Variants in IGSF11 observed in about 807,000 individuals in gnomAD.
The protein encoded by IGSF11 is immunoglobulin superfamily member 11.
Under a neutral mutation model 41.0 loss-of-function variants are expected in IGSF11, and 22 were observed. The observed-to-expected ratio is 0.54, with a 90% confidence interval of 0.38 to 0.77. IGSF11 has a LOEUF of 0.77. Ranked by LOEUF, IGSF11 falls within the 30% of genes least tolerant of loss-of-function variation. IGSF11 has a pLI of 0.00. For synonymous variants in IGSF11, 219 were observed against 201.3 expected, an observed-to-expected ratio of 1.09 and a Z score of -0.74; for missense variants, 444 against 530.8, an observed-to-expected ratio of 0.84 and a Z score of 1.61.
intron 1 of IGSF11, among the ~76,000 whole-genome samples, chr3:119,121,988 G>A (rs2077339660): frequency 6.6e-6 from 1 of 152,184 alleles, no homozygotes; most frequent in African/African-American, 2.4e-5. Flanking sequence ...AAGAAGCGAG[G>A]TGAAGCAAGA....
chr3:119,114,795 T>G (rs142262991), intron 1 of IGSF11, among the ~76,000 whole-genome samples: 161 of 152,358 alleles, frequency 1.1e-3, no homozygotes, highest in African/African-American at 3.8e-3. Flanking sequence ...ATTTTCTGTA[T>G]TAGTTCATTC....
chr3:119,048,736 C>T (rs569601337), intron 1 of IGSF11, among the ~76,000 whole-genome samples: 1,591 of 151,956 alleles, frequency 0.01, 11 homozygotes, highest in Non-Finnish European at 0.017. Flanking sequence ...AACATTGATG[C>T]AAAAATCCTC....
chr3:119,139,551 GC>G (rs1033106126), intron 1 of IGSF11, among the ~76,000 whole-genome samples: 17 of 152,178 alleles, frequency 1.1e-4, no homozygotes, highest in Admixed American at 7.8e-4. Flanking sequence ...CTCTCTTTTT[GC>G]CTGCTGCCAT....
chr3:118,979,118 A>G (rs527358660), intron 1 of IGSF11, among the ~76,000 whole-genome samples: 1 of 152,312 alleles, frequency 6.6e-6, no homozygotes, highest in African/African-American at 2.4e-5. Flanking sequence ...AGAAACTCTC[A>G]AGAATTCATG....
intron 1 of IGSF11, among the ~76,000 whole-genome samples, chr3:119,145,054 A>G (rs754481309): frequency 1.6e-4 from 25 of 152,326 alleles, no homozygotes; most frequent in Non-Finnish European, 3.2e-4. Context: ...TTGAGCACCT[A>G]TTATGTTCTA....
intron 1 of IGSF11, among the ~76,000 whole-genome samples, chr3:119,134,836 CATACACAG>C (rs2077537691): frequency 6.6e-6 from 1 of 152,182 alleles, no homozygotes; most frequent in Admixed American, 6.5e-5. Context: ...ACCACAACAG[CATACACAG>C]ATACACAGAC....
chr3:119,111,853 C>G (rs2077168362), intron 1 of IGSF11, among the ~76,000 whole-genome samples: 1 of 152,214 alleles, frequency 6.6e-6, no homozygotes. Context: ...TGCTAGAGGT[C>G]CACTCCAGAC....
intron 1 of IGSF11, among the ~76,000 whole-genome samples, chr3:118,998,481 A>T (rs533128974): frequency 1.3e-5 from 2 of 151,442 alleles, no homozygotes; most frequent in East Asian, 3.9e-4. Context: ...TTGGGGGGGA[A>T]AAAAAAGAAA....
rs191417436 is a variant in IGSF11 at position 119,055,383 on chromosome 3, A to G, written c.49+49761T>C. Among the ~76,000 whole-genome samples the G allele has an allele frequency of 5.2e-3, 799 of 152,332 alleles. 9 individuals are homozygous for G. Among genetic ancestry groups the G allele is most frequent in the Non-Finnish European group, 7.4e-3 (505 of 68,022 alleles). The stretch of plus-strand genomic sequence containing the variant: ...TAAAAGAGACAAAGAAGGCCATTAC[A>G]TAACGCTAAAGGGATCAATTCAACA... On this transcript the variant is annotated intron_variant, in intron 1 of 6. Coordinates refer to the IGSF11 transcript ENST00000354673.
chr3:118,959,747 G>A (rs1945205081), intron 1 of IGSF11, among the ~76,000 whole-genome samples: 1 of 152,076 alleles, frequency 6.6e-6, no homozygotes, highest in African/African-American at 2.4e-5. Context: ...TGCTGTTGTT[G>A]GTAAGAAACA....
At chr3:119,133,600 T>G in intron 1 of IGSF11, among the ~76,000 whole-genome samples, 1 of 151,996 alleles carries the variant, frequency 6.6e-6, no homozygotes. Context: ...CCAAAAAAAG[T>G]CCAGGACCAG....
At chr3:119,021,929 T>C (rs895686707) in intron 1 of IGSF11, among the ~76,000 whole-genome samples, 1 of 152,112 alleles carries the variant, frequency 6.6e-6, no homozygotes, top group Non-Finnish European at 1.5e-5. Flanking sequence ...ATATAAACAA[T>C]AATGTGCCAG....
intron 4 of IGSF11, among the ~76,000 whole-genome samples, chr3:118,923,857 G>T (rs1166921536): frequency 6.6e-6 from 1 of 152,162 alleles, no homozygotes; most frequent in Non-Finnish European, 1.5e-5. Context: ...GGAGGTACGT[G>T]ATAGCAGTTT....
At chr3:118,965,330 T>A (rs1945594556) in intron 1 of IGSF11, among the ~76,000 whole-genome samples, 1 of 152,030 alleles carries the variant, frequency 6.6e-6, no homozygotes, top group Non-Finnish European at 1.5e-5. Context: ...GCTAAATGTG[T>A]GAGCTATAAG....
At chr3:119,107,392 G>A (rs1369342238), upstream of IGSF11, among the ~76,000 whole-genome samples, 1 of 152,202 alleles carries the variant, frequency 6.6e-6, no homozygotes, top group Non-Finnish European at 1.5e-5. Flanking sequence ...CTTCTTTTGA[G>A]AAGTGTCTGT....
At chr3:119,017,776 CTTTTTTTTTTT>C (rs567222914) in intron 1 of IGSF11, among the ~76,000 whole-genome samples, 1 of 100,258 alleles carries the variant, frequency 1.0e-5, no homozygotes, top group Non-Finnish European at 2.0e-5. Context: ...GTTTGTTTTA[CTTTTTTTTTTT>C]TTTTTTTTTT....
chr3:119,089,923 G>T (rs548508540), intron 1 of IGSF11, among the ~76,000 whole-genome samples: 1 of 152,278 alleles, frequency 6.6e-6, no homozygotes, highest in Non-Finnish European at 1.5e-5. Flanking sequence ...TACTCAGGAG[G>T]CTGAGGCAGG....
chr3:119,026,238 A>T (rs911861358), intron 1 of IGSF11, among the ~76,000 whole-genome samples: 4 of 152,194 alleles, frequency 2.6e-5, no homozygotes, highest in African/African-American at 4.8e-5. Flanking sequence ...TTCATTTTTT[A>T]TTTTAAAATA....
At chr3:118,996,482 C>T (rs558120809) in intron 1 of IGSF11, among the ~76,000 whole-genome samples, 2 of 152,304 alleles carry the variant, frequency 1.3e-5, no homozygotes, top group South Asian at 4.1e-4. Context: ...AGTTTCCTTG[C>T]TACTATCCTT....
Sources: allele counts gnomAD v4.1 joint callset (sites outside exome capture counted in the v4.1 genomes callset), GRCh38; gene constraint gnomAD v4.1.1; transcripts MANE v1.5; gene names NCBI Gene and HGNC (gene_info 2026-07-23, HGNC 2026-07-21).